The following MARCKSL1 variants were observed in gnomAD, a reference collection of about 807,000 sequenced individuals.
MARCKSL1 encodes MARCKS like 1, also known as MARCKS-related protein.
A neutral mutation model predicts 13.3 loss-of-function variants in MARCKSL1; 5 were observed. The observed-to-expected ratio is 0.38, with a 90% CI of 0.20 to 0.79. The LOEUF is 0.79. MARCKSL1 is among the 30% of genes least tolerant of loss of function. MARCKSL1 has a pLI of 0.45. For synonymous variants in MARCKSL1, 126 were observed against 103.2 expected (o/e 1.22, Z -1.34); for missense variants, 274 against 251.6 (o/e 1.09, Z -0.60).
At position 32,336,223 on chromosome 1, in the gene MARCKSL1, G is replaced by T; in HGVS notation, c.-190C>A. 1 of 323,858 alleles carries T rather than the reference G, an allele frequency of 3.1e-6. No individual in the cohort carries two copies. The highest frequency in any genetic ancestry group is 5.6e-6 in the Non-Finnish European group (1 of 178,058). The allele number at this position is 323,858 out of a possible 1,614,324, so 20.1% of individuals were successfully genotyped here. On this transcript the variant is annotated 5_prime_UTR_variant, in exon 1 of 2. Coordinates refer to ENST00000329421, the MANE Select transcript of MARCKSL1 (RefSeq NM_023009.7). The stretch of plus-strand genomic sequence containing the variant: ...TGCGCCCGCCGCCGCTCCGCTCCGC[G>T]CCAGAATGCCGCCCGCCGCCCGCCG...
rs1214629703 is a variant in MARCKSL1 at position 32,334,903 on chromosome 1, G to A, written c.282C>T (p.Phe94=). Residue 94 remains phenylalanine, a synonymous_variant, in exon 2 of 2, where the codon TTC becomes TTT. Transcript: ENST00000329421. The part of the protein sequence containing the change: ...ETPKKKKKFS[F]KKPFKLSGLS... ...GGCCGCTCAATTTGAAAGGCTTCTT[G>A]AAAGAGAATTTCTTCTTCTTCTTGG... 1.9e-6 allele frequency: 3 copies of A among 1,612,470 alleles called. No homozygotes were observed. The highest frequency in any genetic ancestry group is 2.5e-6 in the Non-Finnish European group (3 of 1,179,970).
At position 32,336,045 on chromosome 1, in the gene MARCKSL1, G is replaced by C; in HGVS notation, c.-12C>G. On this transcript the variant is annotated 5_prime_UTR_variant, in exon 1 of 2. Transcript: ENST00000329421. ...CTCTGGCTGCCCATGATGGGGGTCTGCTGGGGGGCGCTTGGAGCCGCCCCG... is the reference window on the plus strand; with the variant it reads ...CTCTGGCTGCCCATGATGGGGGTCTCCTGGGGGGCGCTTGGAGCCGCCCCG... 3 of 1,281,134 alleles carry C rather than the reference G, an allele frequency of 2.3e-6. No individual in the cohort carries two copies. The highest frequency in any genetic ancestry group is 3.0e-6 in the Non-Finnish European group (3 of 1,011,048). 79.4% of individuals were successfully genotyped at this position (1,281,134 alleles called of 1,614,324 possible). A position where few individuals can be genotyped will look rare whatever the true frequency, so the allele number is the denominator to read the frequency against.
chr1:32,334,509 G>T lies in MARCKSL1; in HGVS notation c.*88C>A, dbSNP rs1233899206. 5 of 1,428,370 alleles carry T rather than the reference G, an allele frequency of 3.5e-6. No homozygotes were observed. In the African/African-American group the frequency reaches 5.8e-5, roughly 17 times the overall value. 88.5% of individuals were successfully genotyped at this position (1,428,370 alleles called of 1,614,324 possible). A position where few individuals can be genotyped will look rare whatever the true frequency, so the allele number is the denominator to read the frequency against. On this transcript the variant is annotated 3_prime_UTR_variant, in exon 2 of 2. Coordinates refer to ENST00000329421, the MANE Select transcript of MARCKSL1 (RefSeq NM_023009.7). ...GCCCCTTCCTTTCTGGGCACAGGAA[G>T]GCAGCCAGGGCACCAGGTCCAGGCA... is the stretch of plus-strand genomic sequence containing the variant.
At position 32,335,223 on chromosome 1, in the gene MARCKSL1, C is replaced by G. The variant is rs916816721; in HGVS notation, c.88-126G>C. ...CAACCCGAAAGTCTGGCTTCAGCCT[C>G]ACCCACACCCAGGATCCCGTCAAAC... is the stretch of plus-strand genomic sequence containing the variant. On this transcript the variant is annotated intron_variant, in intron 1 of 1. Transcript: ENST00000329421. The surrounding 1 kb of genome is among the most constrained non-coding windows in gnomAD (Gnocchi z 4.1). 2 of 1,053,022 alleles carry G rather than the reference C, an allele frequency of 1.9e-6. No individual in the cohort carries two copies. The highest frequency in any genetic ancestry group is 3.3e-5 in the African/African-American group (2 of 61,288). The allele number at this position is 1,053,022 out of a possible 1,614,324, so 65.2% of individuals were successfully genotyped here.
In MARCKSL1 at chr1:32,335,843, G is replaced by A. The variant is rs1292512744; in HGVS notation, c.87+104C>T. The stretch of plus-strand genomic sequence containing the variant: ...CCGGGCGGGGGAGGGGGCGCCGCGT[G>A]TCCCGGGCCGGACAAAGCGCGCGGC... On this transcript the variant is annotated intron_variant, in intron 1 of 1. Coordinates refer to ENST00000329421, the MANE Select transcript of MARCKSL1 (RefSeq NM_023009.7). This position sits in a 1 kb window ranked among gnomAD's most constrained non-coding sequence, Gnocchi z 4.1. The A allele has an allele frequency of 5.6e-6, 3 of 535,640 alleles. No homozygotes were observed. In the East Asian group the frequency reaches 1.2e-4, roughly 21 times the overall value. 33.2% of individuals were successfully genotyped at this position (535,640 alleles called of 1,614,324 possible). A position where few individuals can be genotyped will look rare whatever the true frequency, so the allele number is the denominator to read the frequency against.
Position 32,336,205 on chromosome 1 carries a change from G to C in MARCKSL1, c.-172C>G, listed in dbSNP as rs1048074377. The C allele has an allele frequency of 8.9e-6, 3 of 335,378 alleles. No individual in the cohort carries two copies. Among genetic ancestry groups the C allele is most frequent in the Admixed American group, 4.9e-5 (1 of 20,510 alleles). 20.8% of individuals were successfully genotyped at this position (335,378 alleles called of 1,614,324 possible). On this transcript the variant is annotated 5_prime_UTR_variant, in exon 1 of 2. Transcript: ENST00000329421. ...CGCGGCCGACCCGCTAGCTGCGCCC[G>C]CCGCCGCTCCGCTCCGCGCCAGAAT...
rs1190215251 is a variant in MARCKSL1 at position 32,334,645 on chromosome 1, C to G, written c.540G>C (p.Ser180=). 1 of 1,601,652 alleles carries G rather than the reference C, an allele frequency of 6.2e-7. No homozygotes were observed. The highest frequency in any genetic ancestry group is 1.1e-5 in the South Asian group (1 of 89,882). ...GPQATEPSTP[S]GPESGPTPAS... is the part of the protein sequence containing the mutation. ...CTGGTGTAGGGCCACTCTCCGGCCCCGAGGGAGTGGATGGCTCTGTAGCCT... is the reference window on the plus strand; with the variant it reads ...CTGGTGTAGGGCCACTCTCCGGCCCGGAGGGAGTGGATGGCTCTGTAGCCT... Residue 180 remains serine (S), a synonymous_variant, in exon 2 of 2, where the codon TCG becomes TCC. Transcript: ENST00000329421.
Position 32,334,772 on chromosome 1 carries a change from C to G in MARCKSL1, c.413G>C (p.Gly138Ala). The G allele has an allele frequency of 6.2e-7, 1 of 1,611,448 alleles. No individual in the cohort carries two copies. The highest frequency in any genetic ancestry group is 1.1e-5 in the South Asian group (1 of 90,988). ...QGEIGACSDE[G>A]TAQEGKAAAT... The stretch of plus-strand genomic sequence containing the variant: ...TGCGGCCTTCCCTTCCTGAGCAGTG[C>G]CCTCGTCGCTGCAGGCACCGATCTC... Residue 138 changes from glycine to alanine, a missense_variant, in exon 2 of 2, where the codon GGC becomes GCC. Transcript: ENST00000329421.
rs143559799 is a variant in MARCKSL1 at position 32,335,086 on chromosome 1, G to C, written c.99C>G (p.His33Gln). ...PAKANGQENG[H>Q]VKSNGDLSPK... is the part of the protein sequence containing the mutation. ...GGGATAAGTCTCCATTGCTTTTCAC[G>C]TGGCCATTCTCCTGCAGGGCAGAGG... The change falls in exon 2 of 2, where the codon CAC becomes CAG. Residue 33 changes from histidine to glutamine, a missense_variant. Coordinates refer to ENST00000329421, the MANE Select transcript of MARCKSL1 (RefSeq NM_023009.7). This position sits in a 1 kb window ranked among gnomAD's most constrained non-coding sequence, Gnocchi z 4.1. 6.6e-7 allele frequency: 1 copy of C among 1,524,716 alleles called. No homozygotes were observed. The highest frequency in any genetic ancestry group is 8.8e-7 in the Non-Finnish European group (1 of 1,138,094). The allele number at this position is 1,524,716 out of a possible 1,614,324, so 94.4% of individuals were successfully genotyped here. A position where few individuals can be genotyped will look rare whatever the true frequency, so the allele number is the denominator to read the frequency against.
chr1:32,334,592 C>T lies in MARCKSL1; in HGVS notation c.*5G>A. On this transcript the variant is annotated 3_prime_UTR_variant, in exon 2 of 2. Transcript: ENST00000329421. ...CTTAGAGATCACCCACCTGCCCCTA[C>T]CTAGCTACTCATTCTGCTCAGCGCT... The T allele has an allele frequency of 2.0e-6, 3 of 1,530,370 alleles. No individual in the cohort carries two copies. Among genetic ancestry groups the T allele is most frequent in the Non-Finnish European group, 2.6e-6 (3 of 1,139,006 alleles). The allele number at this position is 1,530,370 out of a possible 1,614,324, so 94.8% of individuals were successfully genotyped here. A position where few individuals can be genotyped will look rare whatever the true frequency, so the allele number is the denominator to read the frequency against.
Position 32,336,218 on chromosome 1 carries a change from T to G in MARCKSL1, c.-185A>C. The G allele has an allele frequency of 6.1e-6, 2 of 325,688 alleles. No individual in the cohort carries two copies. The highest frequency in any genetic ancestry group is 1.1e-5 in the Non-Finnish European group (2 of 179,402). The allele number at this position is 325,688 out of a possible 1,614,324, so 20.2% of individuals were successfully genotyped here. A position where few individuals can be genotyped will look rare whatever the true frequency, so the allele number is the denominator to read the frequency against. On this transcript the variant is annotated 5_prime_UTR_variant, in exon 1 of 2. Coordinates refer to ENST00000329421, the MANE Select transcript of MARCKSL1 (RefSeq NM_023009.7). ...CTAGCTGCGCCCGCCGCCGCTCCGCTCCGCGCCAGAATGCCGCCCGCCGCC... is the reference window on the plus strand; with the variant it reads ...CTAGCTGCGCCCGCCGCCGCTCCGCGCCGCGCCAGAATGCCGCCCGCCGCC...
At position 32,335,863 on chromosome 1, in the gene MARCKSL1, C is replaced by T. The variant is rs1036490098; in HGVS notation, c.87+84G>A. On this transcript the variant is annotated intron_variant, in intron 1 of 1. Transcript: ENST00000329421. The surrounding 1 kb of genome is among the most constrained non-coding windows in gnomAD (Gnocchi z 4.1). ...CGCGTGTCCCGGGCCGGACAAAGCG[C>T]GCGGCCCCGGCCCCGGCCCCGGGCC... The T allele has an allele frequency of 2.7e-6, 2 of 751,400 alleles. No homozygotes were observed. Among genetic ancestry groups the T allele is most frequent in the African/African-American group, 1.8e-5 (1 of 54,512 alleles). The allele number at this position is 751,400 out of a possible 1,614,324, so 46.5% of individuals were successfully genotyped here. A position where few individuals can be genotyped will look rare whatever the true frequency, so the allele number is the denominator to read the frequency against.
In MARCKSL1 at chr1:32,334,367, A is replaced by G. The variant is rs1641346922; in HGVS notation, c.*230T>C. 2.3e-6 allele frequency: 1 copy of G among 433,216 alleles called. No homozygotes were observed. The highest frequency in any genetic ancestry group is 2.0e-5 in the African/African-American group (1 of 49,192). 26.8% of individuals were successfully genotyped at this position (433,216 alleles called of 1,614,324 possible). On this transcript the variant is annotated 3_prime_UTR_variant, in exon 2 of 2. Coordinates refer to ENST00000329421, the MANE Select transcript of MARCKSL1 (RefSeq NM_023009.7). ...AGGAGCATTTCACATCACTAACCTA[A>G]CTTGGGAAGCTGTAAGGGACCATCT...
Position 32,336,001 on chromosome 1 carries a change from G to A in MARCKSL1, c.33C>T (p.Gly11=). 7.7e-7 allele frequency: 1 copy of A among 1,295,970 alleles called. No homozygotes were observed. Among genetic ancestry groups the A allele is most frequent in the Non-Finnish European group, 9.8e-7 (1 of 1,020,998 alleles). 80.3% of individuals were successfully genotyped at this position (1,295,970 alleles called of 1,614,324 possible). A position where few individuals can be genotyped will look rare whatever the true frequency, so the allele number is the denominator to read the frequency against. ...CTGCTGCCTCCTCGGCGGTCACGTCGCCCCGGGGAGCCTTGGAGCTCTGGC... is the reference window on the plus strand; with the variant it reads ...CTGCTGCCTCCTCGGCGGTCACGTCACCCCGGGGAGCCTTGGAGCTCTGGC... MGSQSSKAPR[G]DVTAEEAAGA... The change falls in exon 1 of 2, where the codon GGC becomes GGT. Residue 11 remains glycine, a synonymous_variant. Transcript: ENST00000329421.
Position 32,334,756 on chromosome 1 carries a change from C to T in MARCKSL1, c.429G>A (p.Gly143=). ...ACSDEGTAQE[G]KAAATPESQE... ...GGCTCTCAGGGGTGGCTGCGGCCTT[C>T]CCTTCCTGAGCAGTGCCCTCGTCGC... Residue 143 remains glycine, a synonymous_variant, in exon 2 of 2, where the codon GGG becomes GGA. Transcript: ENST00000329421. 5 of 1,611,836 alleles carry T rather than the reference C, an allele frequency of 3.1e-6. No individual in the cohort carries two copies. The highest frequency in any genetic ancestry group is 4.2e-6 in the Non-Finnish European group (5 of 1,179,864).
Position 32,335,967 on chromosome 1 carries a change from G to C in MARCKSL1, c.67C>G (p.Pro23Ala). Residue 23 changes from proline (P) to alanine (A), a missense_variant, in exon 1 of 2, where the codon CCC (proline) becomes GCC (alanine). Physicochemically the swap from Pro to Ala is conservative, Grantham distance 27 (BLOSUM62 -1). Transcript: ENST00000329421. The surrounding 1 kb of genome is among the most constrained non-coding windows in gnomAD (Gnocchi z 4.1). Reference sequence around the variant, plus strand: ...CCCACCTGGCCGTTGGCCTTCGCGGGGGAAGCGCCTGCTGCCTCCTCGGCG... The same window carrying C: ...CCCACCTGGCCGTTGGCCTTCGCGGCGGAAGCGCCTGCTGCCTCCTCGGCG... ...VTAEEAAGAS[P>A]AKANGQENGH... 7.7e-7 allele frequency: 1 copy of C among 1,294,518 alleles called. No individual in the cohort carries two copies. The allele number at this position is 1,294,518 out of a possible 1,614,324, so 80.2% of individuals were successfully genotyped here.
Position 32,336,129 on chromosome 1 carries a change from T to C in MARCKSL1, c.-96A>G. On this transcript the variant is annotated 5_prime_UTR_variant, in exon 1 of 2. Coordinates refer to ENST00000329421, the MANE Select transcript of MARCKSL1 (RefSeq NM_023009.7). The stretch of plus-strand genomic sequence containing the variant: ...GGCCCGGCCGGCGGAGGGGTGGGGC[T>C]GGCGCCCGAGGGGGAGGGGTGCCGG... 1 of 139,042 alleles carries C rather than the reference T, an allele frequency of 7.2e-6. No homozygotes were observed. The highest frequency in any genetic ancestry group is 3.2e-3 in the Middle Eastern group (1 of 308). The allele number at this position is 139,042 out of a possible 1,614,324, so 8.6% of individuals were successfully genotyped here.
Position 32,333,929 on chromosome 1 carries a change from C to T in MARCKSL1, c.*668G>A, listed in dbSNP as rs1346514550. On this transcript the variant is annotated 3_prime_UTR_variant, in exon 2 of 2. Transcript: ENST00000329421. ...AGCAGTTAGAAAAAAAAAAAAAGTA[C>T]AAATCTGGGGTTTGGCCATTAAAAG... 6.7e-6 allele frequency: 1 copy of T among 150,218 alleles called. No homozygotes were observed. Among genetic ancestry groups the T allele is most frequent in the Admixed American group, 6.6e-5 (1 of 15,040 alleles). 9.3% of individuals were successfully genotyped at this position (150,218 alleles called of 1,614,324 possible).
chr1:32,334,432 G>T lies in MARCKSL1; in HGVS notation c.*165C>A. On this transcript the variant is annotated 3_prime_UTR_variant, in exon 2 of 2. Coordinates refer to ENST00000329421, the MANE Select transcript of MARCKSL1 (RefSeq NM_023009.7). ...GAGGAGAACCAGATGGCTGATGGGA[G>T]AATCCACAGGAGGGAGAGGAGGAAA... is the stretch of plus-strand genomic sequence containing the variant. 1 of 748,080 alleles carries T rather than the reference G, an allele frequency of 1.3e-6. No individual in the cohort carries two copies. Among genetic ancestry groups the T allele is most frequent in the Non-Finnish European group, 2.0e-6 (1 of 498,730 alleles). The allele number at this position is 748,080 out of a possible 1,614,324, so 46.3% of individuals were successfully genotyped here.
Sources: gnomAD v4.1 joint callset for allele counts on GRCh38, gnomAD v4.1.1 for gene constraint, Gnocchi (gnomAD v3.1) non-coding constraint, MANE v1.5 for transcripts, NCBI Gene and HGNC (gene_info 2026-07-23, HGNC 2026-07-21) for gene names.